FRMD4A: variants seen among roughly 807,000 people sequenced by gnomAD.
FRMD4A encodes FERM domain containing 4A.
In FRMD4A, 29 loss-of-function variants were observed where a neutral mutation model predicts 129.1. That is an observed-to-expected ratio of 0.22 (90% CI 0.17 to 0.31). The LOEUF is 0.31. FRMD4A is among the 10% of genes least tolerant of loss of function. The pLI is 1.00. For synonymous variants in FRMD4A, 634 were observed against 571.6 expected (o/e 1.11, Z -1.56); for missense variants, 1,272 against 1,375.8 (o/e 0.92, Z 1.19).
chr10:14,191,446 AG>A (rs1010198473), intron 2 of FRMD4A, among the ~76,000 whole-genome samples: 8 of 152,220 alleles, frequency 5.3e-5, no homozygotes, highest in Non-Finnish European at 1.2e-4. Flanking sequence ...TACAAGACCC[AG>A]GACCAATCCC....
intron 2 of FRMD4A, among the ~76,000 whole-genome samples, chr10:14,203,576 C>A (rs894904434): frequency 6.6e-6 from 1 of 152,228 alleles, no homozygotes; most frequent in Admixed American, 6.5e-5. Flanking sequence ...GACATTAACT[C>A]GGCTAAATTT....
intron 2 of FRMD4A, among the ~76,000 whole-genome samples, chr10:14,278,151 C>T (rs1030850966): frequency 3.3e-5 from 5 of 152,140 alleles, no homozygotes; most frequent in African/African-American, 4.8e-5. Context: ...AAACCGGGGG[C>T]TTCCCTGGAG....
At chr10:14,147,554 T>C (rs1840134410) in intron 2 of FRMD4A, among the ~76,000 whole-genome samples, 1 of 152,078 alleles carries the variant, frequency 6.6e-6, no homozygotes. Context: ...TGCAACTAGA[T>C]TGTCTTATCT....
At chr10:14,000,889 A>G (rs1187575161) in intron 2 of FRMD4A, among the ~76,000 whole-genome samples, 1 of 152,102 alleles carries the variant, frequency 6.6e-6, no homozygotes, top group African/African-American at 2.4e-5. Flanking sequence ...GGCCTCAGGT[A>G]ACTATCCAGA....
intron 8 of FRMD4A, among the ~76,000 whole-genome samples, chr10:13,756,983 A>C (rs1485356966): frequency 2.0e-5 from 3 of 152,232 alleles, no homozygotes; most frequent in Non-Finnish European, 4.4e-5. Context: ...ATAACCCAAG[A>C]GTTTTTAAAA....
chr10:13,815,828 C>A (rs1394507556), intron 3 of FRMD4A, among the ~76,000 whole-genome samples: 1 of 152,154 alleles, frequency 6.6e-6, no homozygotes, highest in Non-Finnish European at 1.5e-5. Flanking sequence ...GGTTTCTGAG[C>A]CTGCAGAATA....
chr10:13,888,040 C>G (rs1056429936), intron 2 of FRMD4A, among the ~76,000 whole-genome samples: 1 of 152,180 alleles, frequency 6.6e-6, no homozygotes, highest in Non-Finnish European at 1.5e-5. Flanking sequence ...AACCGTCTGG[C>G]CTTTGTGTGC....
chr10:13,932,022 T>G (rs569065112), intron 2 of FRMD4A, among the ~76,000 whole-genome samples: 1 of 152,024 alleles, frequency 6.6e-6, no homozygotes, highest in Non-Finnish European at 1.5e-5. Flanking sequence ...ATTAGAAACA[T>G]AAAGATGAAG....
rs2095155419 is a variant in FRMD4A at position 13,928,173 on chromosome 10, A to G, written c.46-69261T>C. Among the ~76,000 whole-genome samples, 2 of 152,068 alleles carry G rather than the reference A, an allele frequency of 1.3e-5. 1 individual carries two copies. The highest frequency in any genetic ancestry group is 4.2e-4 in the South Asian group (2 of 4,808). ...GTAGTTGGGACTATAGGTGCATTTCACCATGCATAGCCAACTTTTTAAATG... is the reference window on the plus strand; with the variant it reads ...GTAGTTGGGACTATAGGTGCATTTCGCCATGCATAGCCAACTTTTTAAATG... On this transcript the variant is annotated intron_variant, in intron 2 of 24. Coordinates refer to ENST00000357447, the MANE Select transcript of FRMD4A (RefSeq NM_018027.5).
intron 2 of FRMD4A, among the ~76,000 whole-genome samples, chr10:14,088,785 C>CAAA (rs58056105): frequency 0.4 from 29,445 of 73,336 alleles, 5,867 homozygotes; most frequent in East Asian, 0.65. Flanking sequence ...GACTCTGTCT[C>CAAA]AAAAAAAAAA....
intron 2 of FRMD4A, among the ~76,000 whole-genome samples, chr10:13,884,142 A>ACGCG (rs137896980): frequency 3.4e-5 from 1 of 29,532 alleles, no homozygotes. Context: ...GCTCACACAC[A>ACGCG]CTCTCACACA....
intron 11 of FRMD4A, among the ~76,000 whole-genome samples, chr10:13,738,257 T>C (rs917928062): frequency 6.6e-6 from 1 of 152,176 alleles, no homozygotes; most frequent in African/African-American, 2.4e-5. Flanking sequence ...CTTCTAAGAA[T>C]TTAGGCATTC....
rs185946344 is a variant in FRMD4A at position 13,672,966 on chromosome 10, G to A, written c.1251+1945C>T. On this transcript the variant is annotated intron_variant, in intron 16 of 24. Transcript: ENST00000357447. ...TTTTCTGGTGTTAACATTATAAGAA[G>A]TGGCAGCTTTGTTTTCCTTCTTTTG... Among the ~76,000 whole-genome samples the A allele has an allele frequency of 4.5e-3, 687 of 152,304 alleles. 2 individuals are homozygous for A. The highest frequency in any genetic ancestry group is 7.7e-3 in the Non-Finnish European group (523 of 68,030).
intron 2 of FRMD4A, among the ~76,000 whole-genome samples, chr10:14,137,809 G>C (rs4750472): frequency 0.65 from 98,752 of 152,054 alleles, 32,502 homozygotes; most frequent in East Asian, 0.79. Context: ...TTTAATTCTA[G>C]CTAAAAGCAT....
At chr10:14,016,010 G>A (rs1002498247) in intron 2 of FRMD4A, among the ~76,000 whole-genome samples, 2 of 152,182 alleles carry the variant, frequency 1.3e-5, no homozygotes, top group East Asian at 3.9e-4. Context: ...CAAGAACTGG[G>A]GATGCAAGAT....
intron 12 of FRMD4A, among the ~76,000 whole-genome samples, chr10:13,712,943 GC>G (rs1349847670): frequency 6.6e-6 from 1 of 152,226 alleles, no homozygotes; most frequent in East Asian, 1.9e-4. Flanking sequence ...AGAGGAAGGG[GC>G]TTTGGCTCCA....
At chr10:13,883,967 T>C (rs2094575157) in intron 2 of FRMD4A, among the ~76,000 whole-genome samples, 1 of 152,168 alleles carries the variant, frequency 6.6e-6, no homozygotes, top group African/African-American at 2.4e-5. Flanking sequence ...TGACTTTATT[T>C]AACATTTAGA....
chr10:13,955,427 C>T (rs2095404684), intron 2 of FRMD4A, among the ~76,000 whole-genome samples: 1 of 152,138 alleles, frequency 6.6e-6, no homozygotes, highest in Non-Finnish European at 1.5e-5. Flanking sequence ...TCTTAAATGC[C>T]ATTTGATGAT....
chr10:13,697,466 G>A (rs1459073728), intron 14 of FRMD4A, among the ~76,000 whole-genome samples: 1 of 152,134 alleles, frequency 6.6e-6, no homozygotes, highest in Non-Finnish European at 1.5e-5. Context: ...TTCTAGAATG[G>A]AAAATATCAC....
Sources: gnomAD v4.1 joint callset for allele counts (sites outside exome capture counted in the v4.1 genomes callset) on GRCh38, gnomAD v4.1.1 for gene constraint, MANE v1.5 for transcripts, NCBI Gene and HGNC (gene_info 2026-07-23, HGNC 2026-07-21) for gene names.